Variants in LRP1B observed in about 807,000 individuals in gnomAD.
LRP1B encodes LDL receptor related protein 1B.
A neutral mutation model predicts 556.6 loss-of-function variants in LRP1B; 217 were observed. That is an observed-to-expected ratio of 0.39 (90% CI 0.35 to 0.44). LRP1B has a LOEUF of 0.44. Ranked by LOEUF, LRP1B falls within the 20% of genes least tolerant of loss-of-function variation. The pLI is 1.00. For missense variants in LRP1B, 5,053 were observed against 5,620.8 expected (o/e 0.90, Z 3.23); for synonymous variants, 2,047 against 1,865.8 (o/e 1.10, Z -2.50).
intron 45 of LRP1B, 44 bp from the exon 46 acceptor site, chr2:140,536,753 A>T: frequency 6.6e-7 from 1 of 1,515,714 alleles, no homozygotes; most frequent in Non-Finnish European, 8.9e-7. Context: ...TGCAATGGCA[A>T]ATATTTTTTG....
chr2:141,467,748 A>G (rs977003360), intron 3 of LRP1B, among the ~76,000 whole-genome samples: 2 of 149,986 alleles, frequency 1.3e-5, no homozygotes, highest in African/African-American at 4.9e-5. Flanking sequence ...AAAGGAGCAA[A>G]TCATTTTAGG....
chr2:141,417,675 G>A (rs1413134137), intron 3 of LRP1B, among the ~76,000 whole-genome samples: 2 of 151,748 alleles, frequency 1.3e-5, no homozygotes, highest in African/African-American at 2.4e-5. Flanking sequence ...GAACATGGGA[G>A]TGCAAATATC....
chr2:140,492,657 T>A lies in LRP1B; in HGVS notation c.9071A>T (p.Glu3024Val). ...EPFLILADHH[E>V]IRKISTDGSN... is the part of the protein sequence containing the mutation. ...GCCATCAGTGCTAATTTTCCTTATC[T>A]CATGATGATCAGCAAGAATTAAAAA... Residue 3024 changes from glutamate to valine, a missense_variant, in exon 57 of 91, where the codon GAG becomes GTG. Coordinates refer to ENST00000389484, the MANE Select transcript of LRP1B (RefSeq NM_018557.3). 6.2e-7 allele frequency: 1 copy of A among 1,613,638 alleles called. No homozygotes were observed. Among genetic ancestry groups the A allele is most frequent in the East Asian group, 2.2e-5 (1 of 44,836 alleles).
At chr2:141,201,614 T>C (rs1008877979) in intron 6 of LRP1B, among the ~76,000 whole-genome samples, 2 of 152,152 alleles carry the variant, frequency 1.3e-5, no homozygotes, top group African/African-American at 4.8e-5. Flanking sequence ...AATTATTACA[T>C]ATGTTTTTAT....
chr2:141,492,768 A>G (rs1683379873), intron 2 of LRP1B, among the ~76,000 whole-genome samples: 1 of 152,196 alleles, frequency 6.6e-6, no homozygotes, highest in Admixed American at 6.6e-5. Context: ...AGCTCAATTT[A>G]AAAGTCATAG....
intron 63 of LRP1B, among the ~76,000 whole-genome samples, chr2:140,446,933 G>A (rs976936234): frequency 5.9e-5 from 9 of 151,590 alleles, no homozygotes; most frequent in African/African-American, 2.2e-4. Context: ...TCTGCTAATG[G>A]GTTAAAATCC....
intron 1 of LRP1B, among the ~76,000 whole-genome samples, chr2:141,890,040 T>C (rs1699236636): frequency 6.6e-6 from 1 of 151,294 alleles, no homozygotes; most frequent in South Asian, 2.1e-4. Flanking sequence ...CAGTTTTTCA[T>C]TCTCCACCCA....
At chr2:141,944,461 G>A (rs141065037) in intron 1 of LRP1B, among the ~76,000 whole-genome samples, 1,555 of 152,136 alleles carry the variant, frequency 0.01, 23 homozygotes, top group South Asian at 0.048. Flanking sequence ...GACCTTGCTG[G>A]AAAAATCTTG....
chr2:141,834,393 G>A (rs545282839), intron 1 of LRP1B, among the ~76,000 whole-genome samples: 2 of 151,922 alleles, frequency 1.3e-5, no homozygotes, highest in African/African-American at 4.8e-5. Context: ...TGAAAAGAAA[G>A]GAGAGATAGA....
chr2:140,860,265 AGAGTAT>A (rs1692749938), intron 27 of LRP1B, among the ~76,000 whole-genome samples: 1 of 152,188 alleles, frequency 6.6e-6, no homozygotes, highest in Non-Finnish European at 1.5e-5. Context: ...AGACTGAGTT[AGAGTAT>A]AACTGGTATG....
intron 2 of LRP1B, among the ~76,000 whole-genome samples, chr2:141,489,693 G>A (rs776236591): frequency 7.2e-5 from 11 of 151,914 alleles, no homozygotes; most frequent in Non-Finnish European, 1.6e-4. Flanking sequence ...TTACTTTTAC[G>A]TCTGAGCTAC....
intron 3 of LRP1B, among the ~76,000 whole-genome samples, chr2:141,303,031 G>T (rs1686454184): frequency 6.6e-6 from 1 of 152,056 alleles, no homozygotes; most frequent in African/African-American, 2.4e-5. Context: ...ACAGATGTTT[G>T]TGAAAGACAA....
chr2:140,794,475 T>TA (rs1403431307), intron 32 of LRP1B, among the ~76,000 whole-genome samples: 1 of 83,870 alleles, frequency 1.2e-5, no homozygotes, highest in Non-Finnish European at 2.4e-5. Flanking sequence ...ATTAGCTATT[T>TA]AAAACACACA....
At chr2:140,461,922 C>T (rs751144066) in intron 60 of LRP1B, among the ~76,000 whole-genome samples, 21 of 152,062 alleles carry the variant, frequency 1.4e-4, no homozygotes, top group Admixed American at 3.9e-4. Flanking sequence ...TCACCAAATT[C>T]TGCTATTACT....
intron 59 of LRP1B, among the ~76,000 whole-genome samples, chr2:140,479,670 G>C (rs539798495): frequency 1.3e-5 from 2 of 152,176 alleles, no homozygotes; most frequent in Non-Finnish European, 2.9e-5. Flanking sequence ...AATTATCTCT[G>C]ACTTTGAATT....
At chr2:140,264,702 ATGTGTGTGTGTGTGTGTGTG>A (rs3033314) in intron 86 of LRP1B, among the ~76,000 whole-genome samples, 10 of 148,958 alleles carry the variant, frequency 6.7e-5, no homozygotes, top group South Asian at 2.1e-4. Flanking sequence ...TTGTCTATAT[ATGTGTGTGTGTGTGTGTGTG>A]TGTGTGTGTG....
intron 66 of LRP1B, among the ~76,000 whole-genome samples, chr2:140,391,994 C>G (rs1467612180): frequency 6.6e-6 from 1 of 152,104 alleles, no homozygotes; most frequent in Non-Finnish European, 1.5e-5. Context: ...TGCTACTTCC[C>G]TGTTTCAGCA....
At chr2:141,195,069 G>A (rs754185427) in intron 6 of LRP1B, among the ~76,000 whole-genome samples, 16 of 152,158 alleles carry the variant, frequency 1.1e-4, no homozygotes, top group Non-Finnish European at 2.2e-4. Flanking sequence ...CCTGAAGGTG[G>A]GCTGTTCTTT....
At chr2:141,631,803 G>A (rs2105350237) in intron 2 of LRP1B, among the ~76,000 whole-genome samples, 1 of 152,222 alleles carries the variant, frequency 6.6e-6, no homozygotes, top group South Asian at 2.1e-4. Flanking sequence ...TAGATCACCA[G>A]TAAAGCCAAT....
Sources: allele counts gnomAD v4.1 joint callset (sites outside exome capture counted in the v4.1 genomes callset), GRCh38; gene constraint gnomAD v4.1.1; transcripts MANE v1.5; gene names NCBI Gene and HGNC (gene_info 2026-07-23, HGNC 2026-07-21).